Variants in RNF150 observed in about 807,000 individuals in gnomAD.
RNF150 encodes the protein ring finger protein 150.
In RNF150, 24 loss-of-function variants were observed where a neutral mutation model predicts 39.3. The observed-to-expected ratio is 0.61, with a 90% confidence interval of 0.44 to 0.86. The LOEUF is 0.86. RNF150 is among the 40% of genes least tolerant of loss of function. RNF150 has a pLI of 0.00. For missense variants in RNF150, 502 were observed against 587.8 expected, an observed-to-expected ratio of 0.85 and a Z score of 1.51; for synonymous variants, 255 against 227.3, an observed-to-expected ratio of 1.12 and a Z score of -1.10.
At chr4:141,029,484 C>G (rs1735842769) in intron 1 of RNF150, among the ~76,000 whole-genome samples, 1 of 152,150 alleles carries the variant, frequency 6.6e-6, no homozygotes, top group African/African-American at 2.4e-5. Flanking sequence ...TATACTAGTA[C>G]AGTTAACAGT....
intron 1 of RNF150, among the ~76,000 whole-genome samples, chr4:141,060,139 A>G (rs1269742497): frequency 6.6e-6 from 1 of 152,190 alleles, no homozygotes; most frequent in African/African-American, 2.4e-5. Flanking sequence ...GCTATAACAA[A>G]AGTATTAAAT....
chr4:141,054,483 G>A (rs1286090373), intron 1 of RNF150, among the ~76,000 whole-genome samples: 1 of 151,948 alleles, frequency 6.6e-6, no homozygotes, highest in Admixed American at 6.6e-5. Context: ...AGAAAATTGG[G>A]GGAATTTTGG....
chr4:141,164,203 A>G (rs1727561954), intron 1 of RNF150, among the ~76,000 whole-genome samples: 1 of 151,728 alleles, frequency 6.6e-6, no homozygotes, highest in Non-Finnish European at 1.5e-5. Flanking sequence ...AAAGGATATC[A>G]GAGATTAAAG....
At position 141,070,245 on chromosome 4, in the gene RNF150, G is replaced by T. The variant is rs577812703; in HGVS notation, c.484+62080C>A. On this transcript the variant is annotated intron_variant, in intron 1 of 6. Coordinates refer to ENST00000515673, the MANE Select transcript of RNF150 (RefSeq NM_020724.2). ...AAAAATCAATTCAAAATGGATTAAA[G>T]ATTTAAACATTAGACCTAAAACCAT... is the stretch of plus-strand genomic sequence containing the variant. 5.3e-5 allele frequency among the ~76,000 whole-genome samples: 8 copies of T among 152,322 alleles called. No homozygotes were observed. In the South Asian group the frequency reaches 1.5e-3, roughly 28 times the overall value.
At chr4:140,980,472 A>AAT (rs1206262386) in intron 1 of RNF150, among the ~76,000 whole-genome samples, 1 of 152,156 alleles carries the variant, frequency 6.6e-6, no homozygotes, top group Non-Finnish European at 1.5e-5. Flanking sequence ...GGAATGGGAA[A>AAT]ATATAGATGA....
At chr4:141,153,332 C>A (rs1359194273) in intron 1 of RNF150, among the ~76,000 whole-genome samples, 1 of 152,050 alleles carries the variant, frequency 6.6e-6, no homozygotes, top group African/African-American at 2.4e-5. Flanking sequence ...AAAATGAGGT[C>A]ATTAAGGTGG....
At chr4:141,208,289 C>A (rs1322420518) in intron 1 of RNF150, among the ~76,000 whole-genome samples, 1 of 152,188 alleles carries the variant, frequency 6.6e-6, no homozygotes, top group Non-Finnish European at 1.5e-5. Flanking sequence ...AGAAATATGG[C>A]CCCGAGGGGC....
At chr4:140,928,691 C>T (rs919744789) in intron 4 of RNF150, among the ~76,000 whole-genome samples, 7 of 152,104 alleles carry the variant, frequency 4.6e-5, no homozygotes, top group Admixed American at 1.3e-4. Context: ...GGACTACAGG[C>T]GCCTGCCACC....
intron 1 of RNF150, among the ~76,000 whole-genome samples, chr4:141,162,081 A>G (rs1727522595): frequency 6.6e-6 from 1 of 152,148 alleles, no homozygotes; most frequent in Non-Finnish European, 1.5e-5. Context: ...AGAGCCCTTG[A>G]CAGTTTGCAC....
At chr4:140,937,396 G>T (rs574661461) in intron 4 of RNF150, among the ~76,000 whole-genome samples, 21 of 152,172 alleles carry the variant, frequency 1.4e-4, no homozygotes, top group African/African-American at 4.6e-4. Flanking sequence ...GATTAGCTGG[G>T]ATTACAGGCA....
chr4:140,923,458 C>A (rs1157621039), intron 5 of RNF150, among the ~76,000 whole-genome samples: 9 of 152,088 alleles, frequency 5.9e-5, no homozygotes, highest in East Asian at 3.9e-4. Flanking sequence ...GATCATTAAA[C>A]AGTCAGGAAA....
chr4:141,028,784 C>G (rs1390822666), intron 1 of RNF150, among the ~76,000 whole-genome samples: 1 of 152,102 alleles, frequency 6.6e-6, no homozygotes, highest in Non-Finnish European at 1.5e-5. Context: ...AAAGGTGATT[C>G]TGACATCTCA....
chr4:140,892,297 T>C (rs1266397763), intron 6 of RNF150, among the ~76,000 whole-genome samples: 1 of 152,192 alleles, frequency 6.6e-6, no homozygotes, highest in Non-Finnish European at 1.5e-5. Context: ...ATTTGATCTA[T>C]AGTTCTTTTG....
chr4:141,084,534 A>G (rs1738277613), intron 1 of RNF150, among the ~76,000 whole-genome samples: 1 of 152,202 alleles, frequency 6.6e-6, no homozygotes, highest in South Asian at 2.1e-4. Flanking sequence ...AATAACGAAA[A>G]ACACTTTTTT....
intron 5 of RNF150, among the ~76,000 whole-genome samples, chr4:140,920,963 C>T (rs1186664051): frequency 6.6e-6 from 1 of 151,750 alleles, no homozygotes; most frequent in African/African-American, 2.4e-5. Context: ...TGCATATTCT[C>T]ACTCATAGGT....
At chr4:141,159,829 C>T (rs1286492976) in intron 1 of RNF150, among the ~76,000 whole-genome samples, 1 of 152,182 alleles carries the variant, frequency 6.6e-6, no homozygotes, top group East Asian at 1.9e-4. Flanking sequence ...CAGGTGTGAG[C>T]CACTGCGCCC....
chr4:141,113,810 A>T (rs1169604668), intron 1 of RNF150, among the ~76,000 whole-genome samples: 1 of 152,146 alleles, frequency 6.6e-6, no homozygotes, highest in African/African-American at 2.4e-5. Context: ...AGAAACCATA[A>T]CAAACTGTCT....
chr4:141,162,718 T>A (rs1410679479), intron 1 of RNF150, among the ~76,000 whole-genome samples: 1 of 152,104 alleles, frequency 6.6e-6, no homozygotes, highest in African/African-American at 2.4e-5. Context: ...GAACTCCATT[T>A]CCTAGCCAAG....
intron 6 of RNF150, among the ~76,000 whole-genome samples, chr4:140,902,210 T>A (rs1425370637): frequency 1.3e-5 from 2 of 152,032 alleles, no homozygotes; most frequent in African/African-American, 4.8e-5. Flanking sequence ...GGAGAGATAT[T>A]TAAAAGGCAG....
Sources: allele counts gnomAD v4.1 joint callset (sites outside exome capture counted in the v4.1 genomes callset), GRCh38; gene constraint gnomAD v4.1.1; transcripts MANE v1.5; gene names NCBI Gene and HGNC (gene_info 2026-07-23, HGNC 2026-07-21).